The following STX8 variants were observed in gnomAD, a reference collection of about 807,000 sequenced individuals.
The protein encoded by STX8 is syntaxin 8, also known as syntaxin-8.
STX8 carries 23 observed loss-of-function variants against 37.5 expected under a neutral mutation model. The ratio of observed to expected loss-of-function variants is 0.61; its 90% CI spans 0.44 to 0.87. The LOEUF is 0.87. STX8 is among the 40% of genes least tolerant of loss of function. The probability of loss-of-function intolerance (pLI) is 0.00; values close to 1 mark genes in which losing one functional copy is unlikely to be tolerated. For missense variants in STX8, 313 were observed against 284.7 expected, an observed-to-expected ratio of 1.10 and a Z score of -0.71; for synonymous variants, 115 against 99.1, an observed-to-expected ratio of 1.16 and a Z score of -0.95.
chr17:9,468,033 A>G (rs967867672), intron 6 of STX8, among the ~76,000 whole-genome samples: 5 of 152,236 alleles, frequency 3.3e-5, no homozygotes, highest in African/African-American at 1.2e-4. Flanking sequence ...GAAAAGACAC[A>G]ATATTACACA....
chr17:9,412,021 G>C (rs541679016), intron 6 of STX8, among the ~76,000 whole-genome samples: 1 of 152,210 alleles, frequency 6.6e-6, no homozygotes, highest in South Asian at 2.1e-4. Context: ...AGTCTCAAAA[G>C]TTAAATATCT....
chr17:9,523,548 CCAAA>C (rs1905448099), intron 4 of STX8, among the ~76,000 whole-genome samples: 1 of 152,096 alleles, frequency 6.6e-6, no homozygotes, highest in South Asian at 2.1e-4. Context: ...TTCTTCACAA[CCAAA>C]CACAGTTATG....
chr17:9,380,650 T>C (rs1236717684), intron 6 of STX8, among the ~76,000 whole-genome samples: 1 of 151,674 alleles, frequency 6.6e-6, no homozygotes, highest in Non-Finnish European at 1.5e-5. Flanking sequence ...AGTGGTACAG[T>C]ATTATAATGT....
chr17:9,253,460 G>A (rs2042346932), intron 7 of STX8, among the ~76,000 whole-genome samples: 1 of 152,086 alleles, frequency 6.6e-6, no homozygotes, highest in African/African-American at 2.4e-5. Context: ...TGCCTGTGTG[G>A]TGATCAGCTG....
In STX8 at chr17:9,378,662, G is replaced by T; in HGVS notation, c.542-9C>A. On this transcript the variant is annotated splice_polypyrimidine_tract_variant and intron_variant, in intron 6 of 7. Coordinates refer to ENST00000306357, the MANE Select transcript of STX8 (RefSeq NM_004853.3). ...AAGGTCGTCAATTATCTCTAGAAAG[G>T]AAACATACATGATTACTATTCCTGA... 1 of 1,601,176 alleles carries T rather than the reference G, an allele frequency of 6.2e-7. No homozygotes were observed.
intron 4 of STX8, among the ~76,000 whole-genome samples, chr17:9,508,068 A>G (rs1395262471): frequency 6.6e-6 from 1 of 152,244 alleles, no homozygotes; most frequent in African/African-American, 2.4e-5. Flanking sequence ...TTCCTGTGTA[A>G]TAGACCCCAA....
chr17:9,572,479 G>A (rs1229007999), intron 1 of STX8, among the ~76,000 whole-genome samples: 7 of 152,038 alleles, frequency 4.6e-5, no homozygotes, highest in Non-Finnish European at 8.8e-5. Flanking sequence ...GCGCAATCTC[G>A]GCTCACTGCA....
chr17:9,507,178 G>A lies in STX8; in HGVS notation c.324-2016C>T, dbSNP rs147190320. Among the ~76,000 whole-genome samples, 1,018 of 152,166 alleles carry A rather than the reference G, an allele frequency of 6.7e-3. 19 individuals are homozygous for A. The highest frequency in any genetic ancestry group is 0.024 in the African/African-American group (983 of 41,496). ...CCCGGATCTATGAAACAGTCGGGCA[G>A]TGCAGCCCCCTACAGACATGCCCCC... On this transcript the variant is annotated intron_variant, in intron 4 of 7. Transcript: ENST00000306357. This position sits in a 1 kb window ranked among gnomAD's most constrained non-coding sequence, Gnocchi z 4.0.
chr17:9,537,542 G>A (rs546663843), intron 4 of STX8, among the ~76,000 whole-genome samples: 4 of 147,442 alleles, frequency 2.7e-5, no homozygotes, highest in Non-Finnish European at 6.0e-5. Context: ...TGTGACATTC[G>A]CAGGTTTGTT....
chr17:9,421,316 C>T (rs1913417496), intron 6 of STX8, among the ~76,000 whole-genome samples: 1 of 150,096 alleles, frequency 6.7e-6, no homozygotes, highest in East Asian at 2.0e-4. Flanking sequence ...CGCTTGAACC[C>T]GCGAGGCAGA....
At chr17:9,458,408 C>T (rs1368344930) in intron 6 of STX8, among the ~76,000 whole-genome samples, 1 of 151,606 alleles carries the variant, frequency 6.6e-6, no homozygotes, top group African/African-American at 2.4e-5. Flanking sequence ...CTTGGCCTCC[C>T]AAAGTGCTGG....
chr17:9,375,813 T>G (rs897354118), intron 7 of STX8, among the ~76,000 whole-genome samples: 2 of 152,192 alleles, frequency 1.3e-5, no homozygotes, highest in African/African-American at 4.8e-5. Context: ...GAGGTCTATA[T>G]CTCTATTATC....
chr17:9,308,199 C>T (rs1459268158), intron 7 of STX8, among the ~76,000 whole-genome samples: 1 of 152,062 alleles, frequency 6.6e-6, no homozygotes, highest in African/African-American at 2.4e-5. Context: ...GTGGGGAAAC[C>T]CCGCAGGACC....
chr17:9,509,838 TAAA>T (rs35517248), intron 4 of STX8, among the ~76,000 whole-genome samples: 3,604 of 144,652 alleles, frequency 0.025, 141 homozygotes, highest in African/African-American at 0.086. Context: ...ATAACTAGAT[TAAA>T]AAAAAAAAAA....
At chr17:9,263,943 T>C (rs1315356522) in intron 7 of STX8, among the ~76,000 whole-genome samples, 5 of 152,230 alleles carry the variant, frequency 3.3e-5, no homozygotes, top group Admixed American at 6.5e-5. Flanking sequence ...CAACAGAATA[T>C]GGCAGAAGTG....
chr17:9,283,810 C>T (rs938837685), intron 7 of STX8, among the ~76,000 whole-genome samples: 4 of 152,098 alleles, frequency 2.6e-5, no homozygotes, highest in African/African-American at 9.7e-5. Context: ...ATTAATCAAA[C>T]ACAAAATTAT....
At chr17:9,418,317 C>T (rs1228711876) in intron 6 of STX8, among the ~76,000 whole-genome samples, 1 of 152,012 alleles carries the variant, frequency 6.6e-6, no homozygotes, top group African/African-American at 2.4e-5. Flanking sequence ...CATCAGGCAT[C>T]AGGATTTTAA....
At chr17:9,513,669 G>A (rs148147479) in intron 4 of STX8, among the ~76,000 whole-genome samples, 1 of 152,232 alleles carries the variant, frequency 6.6e-6, no homozygotes, top group East Asian at 1.9e-4. Flanking sequence ...TCCCCCTACT[G>A]GGCACTTATC....
chr17:9,486,730 C>A (rs964263276), intron 6 of STX8, among the ~76,000 whole-genome samples: 1 of 151,750 alleles, frequency 6.6e-6, no homozygotes, highest in Admixed American at 6.6e-5. Context: ...GCTATGGTGC[C>A]GGCCTGTAGT....
Sources: gnomAD v4.1 joint callset for allele counts (sites outside exome capture counted in the v4.1 genomes callset) on GRCh38, gnomAD v4.1.1 for gene constraint, Gnocchi (gnomAD v3.1) non-coding constraint, MANE v1.5 for transcripts, NCBI Gene and HGNC (gene_info 2026-07-23, HGNC 2026-07-21) for gene names.